Variants in GLCCI1 observed in about 807,000 individuals in gnomAD.
GLCCI1 encodes glucocorticoid induced 1.
Under a neutral mutation model 52.2 loss-of-function variants are expected in GLCCI1, and 24 were observed. The observed-to-expected ratio is 0.46, with a 90% CI of 0.33 to 0.65. The LOEUF (loss-of-function observed/expected upper bound fraction) is 0.65, where lower values mean the gene tolerates loss of function less well. Among genes scored for constraint, GLCCI1 ranks in the 30% least tolerant of loss-of-function variants. The pLI is 0.02. For missense variants in GLCCI1, 704 were observed against 701.5 expected (o/e 1.00, Z -0.04); for synonymous variants, 310 against 276.5 (o/e 1.12, Z -1.20).
intron 1 of GLCCI1, among the ~76,000 whole-genome samples, chr7:7,991,146 T>G (rs1056640037): frequency 1.3e-5 from 2 of 152,134 alleles, no homozygotes; most frequent in African/African-American, 4.8e-5. Flanking sequence ...CCCCTTCATC[T>G]CTTCTACATT....
chr7:7,986,535 AAAAAG>A (rs199936829), intron 1 of GLCCI1, among the ~76,000 whole-genome samples: 8 of 120,936 alleles, frequency 6.6e-5, no homozygotes, highest in African/African-American at 1.2e-4. Context: ...AAAAAAGAAA[AAAAAG>A]AAAAAGTGAC....
At chr7:8,011,083 C>A (rs1781254073) in intron 2 of GLCCI1, among the ~76,000 whole-genome samples, 1 of 152,056 alleles carries the variant, frequency 6.6e-6, no homozygotes, top group Admixed American at 6.6e-5. Flanking sequence ...CATGTGACTA[C>A]ATTCCAGCCT....
At chr7:8,084,525 G>C (rs1322058600) in intron 6 of GLCCI1, 1 of 158,122 alleles carries the variant, frequency 6.3e-6, no homozygotes, top group East Asian at 1.9e-4. Context: ...GGCATGTAGA[G>C]AACCCTGTAT....
At chr7:7,993,227 A>G (rs978852885) in intron 1 of GLCCI1, among the ~76,000 whole-genome samples, 2 of 152,090 alleles carry the variant, frequency 1.3e-5, no homozygotes, top group Non-Finnish European at 2.9e-5. Context: ...ATAGTTCATG[A>G]TACCATTTCT....
At chr7:7,977,604 ACT>A (rs1780521237) in intron 1 of GLCCI1, among the ~76,000 whole-genome samples, 1 of 152,138 alleles carries the variant, frequency 6.6e-6, no homozygotes, top group African/African-American at 2.4e-5. Flanking sequence ...CAAGCCACTA[ACT>A]CTGCATCTTA....
At chr7:7,983,603 T>C (rs577285244) in intron 1 of GLCCI1, among the ~76,000 whole-genome samples, 2 of 152,342 alleles carry the variant, frequency 1.3e-5, no homozygotes, top group South Asian at 4.1e-4. Context: ...AGCCTTGCAG[T>C]AAATATTTTT....
chr7:8,020,980 T>A (rs1175243925), intron 2 of GLCCI1, among the ~76,000 whole-genome samples: 1 of 152,198 alleles, frequency 6.6e-6, no homozygotes, highest in Admixed American at 6.5e-5. Context: ...TTTAATATAT[T>A]GATACCTCTT....
At chr7:8,003,390 A>C (rs28375221) in intron 1 of GLCCI1, among the ~76,000 whole-genome samples, 1 of 151,474 alleles carries the variant, frequency 6.6e-6, no homozygotes, top group African/African-American at 2.4e-5. Flanking sequence ...CAGGCCATTC[A>C]TGTGACGCTT....
intron 3 of GLCCI1, among the ~76,000 whole-genome samples, chr7:8,043,758 A>G (rs1782055520): frequency 6.6e-6 from 1 of 152,206 alleles, no homozygotes; most frequent in Admixed American, 6.5e-5. Flanking sequence ...AAAAGGGAAT[A>G]GGTATAAAAG....
At chr7:8,035,735 G>C (rs1322790699) in intron 3 of GLCCI1, among the ~76,000 whole-genome samples, 3 of 152,178 alleles carry the variant, frequency 2.0e-5, no homozygotes, top group Non-Finnish European at 4.4e-5. Context: ...AGTGTTGTCT[G>C]TCCCGTCAGA....
At chr7:8,067,087 T>A (rs1256243627) in intron 5 of GLCCI1, among the ~76,000 whole-genome samples, 1 of 152,260 alleles carries the variant, frequency 6.6e-6, no homozygotes, top group African/African-American at 2.4e-5. Flanking sequence ...CATATATATT[T>A]AGGATAGTTA....
intron 4 of GLCCI1, among the ~76,000 whole-genome samples, chr7:8,059,842 A>C (rs930526680): frequency 2.0e-5 from 3 of 152,238 alleles, no homozygotes; most frequent in Non-Finnish European, 4.4e-5. Flanking sequence ...CTACTGAACA[A>C]GTATATACAT....
At chr7:8,064,969 G>GC (rs1337127242) in intron 5 of GLCCI1, among the ~76,000 whole-genome samples, 7 of 152,102 alleles carry the variant, frequency 4.6e-5, no homozygotes, top group Admixed American at 1.3e-4. Context: ...GCCCACCTCG[G>GC]CCCCCCTAAA....
chr7:7,970,044 C>T (rs1297573265), intron 1 of GLCCI1: 3 of 335,530 alleles, frequency 8.9e-6, no homozygotes, highest in Non-Finnish European at 1.4e-5. Flanking sequence ...TCGCCTGCTT[C>T]GAGAGGTTTT....
At chr7:8,066,424 T>C (rs1290865712) in intron 5 of GLCCI1, among the ~76,000 whole-genome samples, 1 of 152,120 alleles carries the variant, frequency 6.6e-6, no homozygotes, top group Non-Finnish European at 1.5e-5. Flanking sequence ...TCTTGTCTTC[T>C]GCTAGCTTTG....
chr7:8,050,462 TTTAAC>T (rs1320182727), intron 3 of GLCCI1, among the ~76,000 whole-genome samples: 2 of 152,170 alleles, frequency 1.3e-5, no homozygotes, highest in Non-Finnish European at 2.9e-5. Context: ...AAAATTTACT[TTTAAC>T]TAGACTATAG....
At chr7:8,081,122 AT>A (rs950547800) in intron 6 of GLCCI1, among the ~76,000 whole-genome samples, 21 of 152,246 alleles carry the variant, frequency 1.4e-4, no homozygotes, top group African/African-American at 4.8e-4. Flanking sequence ...CTCCAAATCA[AT>A]GTTCTTAACC....
rs190319071 is a variant in GLCCI1, at chr7:8,055,962, C to T, written c.813+413C>T. Among the ~76,000 whole-genome samples, 209 of 144,548 alleles carry T rather than the reference C, an allele frequency of 1.4e-3. 2 individuals carry two copies. The highest frequency in any genetic ancestry group is 2.4e-3 in the Non-Finnish European group (163 of 66,892). 94.8% of individuals were successfully genotyped at this position (144,548 alleles called of 152,430 possible). A position where few individuals can be genotyped will look rare whatever the true frequency, so the allele number is the denominator to read the frequency against. Reference sequence around the variant, plus strand: ...GAGCCAAGATCGCGCCGCTGCACTTCAGCCTGGGCGACAGAGCGAGACTCC... The same window carrying T: ...GAGCCAAGATCGCGCCGCTGCACTTTAGCCTGGGCGACAGAGCGAGACTCC... On this transcript the variant is annotated intron_variant, in intron 4 of 7. Transcript: ENST00000223145.
chr7:8,042,435 TAATG>T (rs776175135), intron 3 of GLCCI1, among the ~76,000 whole-genome samples: 2 of 152,204 alleles, frequency 1.3e-5, no homozygotes, highest in Non-Finnish European at 2.9e-5. Flanking sequence ...ATTCCACCCT[TAATG>T]GATGACTTTG....
Sources: allele counts gnomAD v4.1 joint callset (sites outside exome capture counted in the v4.1 genomes callset), GRCh38; gene constraint gnomAD v4.1.1; transcripts MANE v1.5; gene names NCBI Gene and HGNC (gene_info 2026-07-23, HGNC 2026-07-21).